The following PDZRN4 variants were observed in gnomAD, a reference collection of about 807,000 sequenced individuals.
PDZRN4 encodes PDZ domain containing ring finger 4.
A neutral mutation model predicts 99.0 loss-of-function variants in PDZRN4; 70 were observed. That is an observed-to-expected ratio of 0.71 (90% confidence interval 0.58 to 0.86). PDZRN4 has a LOEUF of 0.86. Among genes scored for constraint, PDZRN4 ranks in the 40% least tolerant of loss-of-function variants. The pLI, the probability that PDZRN4 is intolerant of heterozygous loss-of-function variation, is 0.00. For synonymous variants in PDZRN4, 551 were observed against 501.6 expected (o/e 1.10, Z -1.32); for missense variants, 1,474 against 1,331.2 (o/e 1.11, Z -1.67).
intron 3 of PDZRN4, chr12:41,460,053 G>T (rs746774757): frequency 2.3e-6 from 3 of 1,285,140 alleles, no homozygotes; most frequent in South Asian, 1.3e-5. Flanking sequence ...GCTTCATTAA[G>T]CTCCTTGTGA....
In PDZRN4 at chr12:41,419,888, A is replaced by G. The variant is rs529874317; in HGVS notation, c.844-86568A>G. ...CTATAAGATCATTGCTTGGAACTGC[A>G]ATTGTTTTGCATATGCTTGATGTAA... On this transcript the variant is annotated intron_variant, in intron 3 of 9. Coordinates refer to ENST00000402685, the MANE Select transcript of PDZRN4 (RefSeq NM_001164595.2). Among the ~76,000 whole-genome samples, 3 of 152,276 alleles carry G rather than the reference A, an allele frequency of 2.0e-5. No homozygotes were observed. In the South Asian group the frequency reaches 6.2e-4, roughly 32 times the overall value.
chr12:41,255,498 A>AATT (rs1196753249), intron 3 of PDZRN4, among the ~76,000 whole-genome samples: 2 of 151,872 alleles, frequency 1.3e-5, no homozygotes, highest in African/African-American at 2.4e-5. Flanking sequence ...AGGGAAGTAA[A>AATT]ATTATTAGAT....
intron 3 of PDZRN4, among the ~76,000 whole-genome samples, chr12:41,207,602 A>C (rs1053795186): frequency 2.6e-5 from 4 of 151,832 alleles, no homozygotes; most frequent in African/African-American, 9.7e-5. Context: ...ATTATATACC[A>C]AATGGCTGTT....
chr12:41,188,418 A>G lies in PDZRN4; in HGVS notation c.-38A>G. The G allele has an allele frequency of 6.6e-7, 1 of 1,504,546 alleles. No individual in the cohort carries two copies. The highest frequency in any genetic ancestry group is 8.8e-7 in the Non-Finnish European group (1 of 1,130,390). The allele number at this position is 1,504,546 out of a possible 1,614,324, so 93.2% of individuals were successfully genotyped here. On this transcript the variant is annotated 5_prime_UTR_variant, in exon 1 of 10. Coordinates refer to ENST00000402685, the MANE Select transcript of PDZRN4 (RefSeq NM_001164595.2). ...AGGCAGGGGGGCTCGGAGAAGACGG[A>G]CTCTGCTTTCGCTCCCCCTTTCTTC...
At chr12:41,509,957 C>CG (rs1565602241) in intron 5 of PDZRN4, 44 bp downstream of exon 5, 1 of 907,384 alleles carries the variant, frequency 1.1e-6, no homozygotes, top group East Asian at 2.5e-5. Flanking sequence ...CATGAAGTTA[C>CG]GGTTGAGGGG....
chr12:41,350,111 T>C (rs975094323), intron 3 of PDZRN4, among the ~76,000 whole-genome samples: 1 of 152,108 alleles, frequency 6.6e-6, no homozygotes, highest in African/African-American at 2.4e-5. Flanking sequence ...CATTCCTTCA[T>C]TCTGTAAATA....
intron 3 of PDZRN4, among the ~76,000 whole-genome samples, chr12:41,346,125 T>C (rs898350177): frequency 6.6e-6 from 1 of 152,118 alleles, no homozygotes; most frequent in East Asian, 1.9e-4. Flanking sequence ...TATAAGCAGA[T>C]CTTGTGCGCA....
At chr12:41,406,147 T>C (rs1337903964) in intron 3 of PDZRN4, among the ~76,000 whole-genome samples, 1 of 152,164 alleles carries the variant, frequency 6.6e-6, no homozygotes, top group Non-Finnish European at 1.5e-5. Context: ...AAATTTAACC[T>C]AATTTCTGCT....
chr12:41,404,454 G>A (rs545174745), intron 3 of PDZRN4, among the ~76,000 whole-genome samples: 148 of 152,162 alleles, frequency 9.7e-4, no homozygotes, highest in African/African-American at 2.9e-3. Context: ...TAACCAAGGA[G>A]GTGAAAGCCC....
intron 3 of PDZRN4, among the ~76,000 whole-genome samples, chr12:41,482,740 T>C (rs926978105): frequency 1.3e-5 from 2 of 152,062 alleles, no homozygotes; most frequent in Non-Finnish European, 2.9e-5. Context: ...GAGAAGAACA[T>C]TTTAATGATA....
chr12:41,543,584 T>C (rs1422111053), intron 5 of PDZRN4, among the ~76,000 whole-genome samples: 1 of 152,208 alleles, frequency 6.6e-6, no homozygotes, highest in East Asian at 1.9e-4. Flanking sequence ...TTTATTGTTT[T>C]AGATATAACT....
intron 3 of PDZRN4, among the ~76,000 whole-genome samples, chr12:41,310,398 T>C (rs978168090): frequency 6.6e-6 from 1 of 152,170 alleles, no homozygotes; most frequent in African/African-American, 2.4e-5. Flanking sequence ...AAAGATCATA[T>C]CTCACTCTTA....
intron 5 of PDZRN4, among the ~76,000 whole-genome samples, chr12:41,545,300 G>C (rs999279232): frequency 6.6e-6 from 1 of 152,170 alleles, no homozygotes; most frequent in Non-Finnish European, 1.5e-5. Flanking sequence ...ACTACGTAAA[G>C]TTCCTCTAAC....
At chr12:41,532,028 C>T (rs1272259265) in intron 5 of PDZRN4, among the ~76,000 whole-genome samples, 1 of 152,046 alleles carries the variant, frequency 6.6e-6, no homozygotes. Context: ...AAAGTAGTTT[C>T]TATTTGTATT....
At chr12:41,555,865 G>A (rs1263829516) in intron 7 of PDZRN4, 105 bp downstream of exon 7, 2 of 943,122 alleles carry the variant, frequency 2.1e-6, no homozygotes, top group Admixed American at 2.0e-5. Flanking sequence ...CTTTGCTTTT[G>A]GATACTAACA....
intron 3 of PDZRN4, among the ~76,000 whole-genome samples, chr12:41,336,991 C>A (rs574006258): frequency 1.3e-5 from 2 of 152,160 alleles, no homozygotes; most frequent in African/African-American, 4.8e-5. Context: ...GGCTGCATGA[C>A]CCCTAAACTG....
At chr12:41,212,991 T>C (rs538045603) in intron 3 of PDZRN4, among the ~76,000 whole-genome samples, 1 of 152,102 alleles carries the variant, frequency 6.6e-6, no homozygotes, top group South Asian at 2.1e-4. Context: ...TATTGGAACA[T>C]CTCTTAAACA....
intron 3 of PDZRN4, among the ~76,000 whole-genome samples, chr12:41,291,762 A>G (rs1426688816): frequency 1.3e-5 from 2 of 152,126 alleles, no homozygotes; most frequent in Non-Finnish European, 2.9e-5. Context: ...ACAGCTTTGG[A>G]AACACCATGA....
intron 3 of PDZRN4, among the ~76,000 whole-genome samples, chr12:41,361,835 A>C (rs1951965432): frequency 6.6e-6 from 1 of 152,066 alleles, no homozygotes; most frequent in Non-Finnish European, 1.5e-5. Flanking sequence ...CTGTGGAAAG[A>C]GGATGAATCT....
Sources: gnomAD v4.1 joint callset for allele counts (sites outside exome capture counted in the v4.1 genomes callset) on GRCh38, gnomAD v4.1.1 for gene constraint, MANE v1.5 for transcripts, NCBI Gene and HGNC (gene_info 2026-07-23, HGNC 2026-07-21) for gene names.